Variants in SIKE1 observed in about 807,000 individuals in gnomAD.
The protein encoded by SIKE1 is suppressor of IKK epsilon.
A neutral mutation model predicts 25.8 loss-of-function variants in SIKE1; 13 were observed. That is an observed-to-expected ratio of 0.50 (90% CI 0.33 to 0.80). The LOEUF (loss-of-function observed/expected upper bound fraction) is 0.80. Ranked by LOEUF, SIKE1 falls within the 30% of genes least tolerant of loss-of-function variation. The pLI is 0.02. For missense variants in SIKE1, 222 were observed against 252.4 expected, an observed-to-expected ratio of 0.88 and a Z score of 0.82; for synonymous variants, 86 against 95.5, an observed-to-expected ratio of 0.90 and a Z score of 0.58.
At position 114,776,077 on chromosome 1, in the gene SIKE1, CAT is replaced by C. The variant is rs968856571; in HGVS notation, c.522+267_522+268del. On this transcript the variant is annotated intron_variant, in intron 4 of 4. Transcript: ENST00000060969. ...ATGGCAGATGAAGGATTTTATCTCA[CAT>C]ATAACTTCTCCCCTCCACTCCCTCT... is the stretch of plus-strand genomic sequence containing the variant. Among the ~76,000 whole-genome samples the C allele has an allele frequency of 2.0e-5, 3 of 152,172 alleles. No individual in the cohort carries two copies. In the East Asian group the frequency reaches 5.8e-4, roughly 29 times the overall value.
chr1:114,776,519 C>T (rs1253337965), intron 3 of SIKE1, 60 bp from the exon 4 acceptor site: 17 of 1,090,624 alleles, frequency 1.6e-5, no homozygotes, highest in East Asian at 2.4e-5. Context: ...ATATAAAGAA[C>T]GTAAAAGCAT....
intron 2 of SIKE1, 60 bp downstream of exon 2, chr1:114,780,050 G>T: frequency 1.6e-6 from 2 of 1,225,056 alleles, no homozygotes; most frequent in Non-Finnish European, 2.4e-6. Context: ...TTTTGTAAAT[G>T]TTTAGGGCAA....
chr1:114,779,133 G>A lies in SIKE1; in HGVS notation c.408+9C>T, dbSNP rs1402502161. ...TTGGTTCATTTCGAATTTATTCAAA[G>A]TTTCTTACTGCAGAGTGAGACTGGT... On this transcript the variant is annotated intron_variant, in intron 3 of 4. Coordinates refer to ENST00000060969, the MANE Select transcript of SIKE1 (RefSeq NM_025073.3). 1 of 1,609,138 alleles carries A rather than the reference G, an allele frequency of 6.2e-7. No homozygotes were observed. The highest frequency in any genetic ancestry group is 8.5e-7 in the Non-Finnish European group (1 of 1,179,502).
chr1:114,780,196 T>G lies in SIKE1; in HGVS notation c.179A>C (p.Asp60Ala), dbSNP rs1251062157. 1 of 1,613,454 alleles carries G rather than the reference T, an allele frequency of 6.2e-7. No homozygotes were observed. Among genetic ancestry groups the G allele is most frequent in the South Asian group, 1.1e-5 (1 of 91,074 alleles). ...LPDQYQEDAS[D>A]MKDMSKYKPH... ...TTTGTATTTGGACATGTCCTTCATA[T>G]CGGATGCATCCTCTTGATACTGGAC... is the stretch of plus-strand genomic sequence containing the variant. Residue 60 changes from aspartate (D) to alanine (A), a missense_variant, in exon 2 of 5, where the codon GAT (aspartate) becomes GCT (alanine). Coordinates refer to ENST00000060969, the MANE Select transcript of SIKE1 (RefSeq NM_025073.3).
chr1:114,775,838 C>T (rs746798778), intron 4 of SIKE1, among the ~76,000 whole-genome samples: 2 of 152,104 alleles, frequency 1.3e-5, no homozygotes, highest in South Asian at 2.1e-4. Context: ...TAACATATTC[C>T]TATTCTAATC....
At position 114,772,902 on chromosome 1, in the gene SIKE1, CT is replaced by C. The variant is rs1382343961; in HGVS notation, c.*1368del. ...CATTAGTTATTACTGGGATCAGATG[CT>C]TTTAGGACATCTTTAAAATATTTTG... On this transcript the variant is annotated 3_prime_UTR_variant, in exon 5 of 5. Coordinates refer to ENST00000060969, the MANE Select transcript of SIKE1 (RefSeq NM_025073.3). 1 of 152,142 alleles carries C rather than the reference CT, an allele frequency of 6.6e-6. No individual in the cohort carries two copies. The highest frequency in any genetic ancestry group is 1.5e-5 in the Non-Finnish European group (1 of 68,014). The allele number at this position is 152,142 out of a possible 1,614,324, so 9.4% of individuals were successfully genotyped here. A position where few individuals can be genotyped will look rare whatever the true frequency, so the allele number is the denominator to read the frequency against.
rs1235564265 is a variant in SIKE1 at position 114,777,493 on chromosome 1, G to C, written c.409-1034C>G. The stretch of plus-strand genomic sequence containing the variant: ...GTAACCCTTTGGTATGTGAACATGG[G>C]GAATTTTAAAATACTGGGCTCTTCA... On this transcript the variant is annotated intron_variant, in intron 3 of 4. Coordinates refer to ENST00000060969, the MANE Select transcript of SIKE1 (RefSeq NM_025073.3). 3.9e-5 allele frequency among the ~76,000 whole-genome samples: 6 copies of C among 152,110 alleles called. No individual in the cohort carries two copies. In the East Asian group the frequency reaches 1.2e-3, roughly 29 times the overall value.
chr1:114,780,372 G>T (rs1306543471), intron 1 of SIKE1, 77 bp downstream of exon 1: 2 of 1,608,018 alleles, frequency 1.2e-6, no homozygotes, highest in Admixed American at 3.3e-5. Flanking sequence ...ATTCCAGGCC[G>T]AGTTCCCACT....
chr1:114,780,650 A>C lies in SIKE1; in HGVS notation c.-43T>G. On this transcript the variant is annotated 5_prime_UTR_variant, in exon 1 of 5. Transcript: ENST00000060969. ...AGCCCCTGCCGGGCTCAGCTACGCG[A>C]CTCGCTCAGATCTTCTGGGAGTCTG... The C allele has an allele frequency of 6.6e-7, 1 of 1,506,806 alleles. No homozygotes were observed. Among genetic ancestry groups the C allele is most frequent in the South Asian group, 1.2e-5 (1 of 84,672 alleles). The allele number at this position is 1,506,806 out of a possible 1,614,324, so 93.3% of individuals were successfully genotyped here.
chr1:114,775,141 G>C (rs962176693), intron 4 of SIKE1, among the ~76,000 whole-genome samples: 2 of 152,030 alleles, frequency 1.3e-5, no homozygotes, highest in Admixed American at 6.6e-5. Flanking sequence ...TTCCTACTTG[G>C]GACCTGTCAC....
chr1:114,778,938 TC>T (rs1311928872), intron 3 of SIKE1: 4 of 590,012 alleles, frequency 6.8e-6, no homozygotes, highest in Admixed American at 3.0e-5. Context: ...GCACCTGTAG[TC>T]CCAGCTGCTC....
At chr1:114,778,312 T>C in intron 3 of SIKE1, among the ~76,000 whole-genome samples, 1 of 152,232 alleles carries the variant, frequency 6.6e-6, no homozygotes, top group Non-Finnish European at 1.5e-5. Flanking sequence ...ATGCCATGTT[T>C]GTTTTTTTAA....
intron 3 of SIKE1, 146 bp from the exon 4 acceptor site, chr1:114,776,605 C>T: frequency 1.6e-6 from 1 of 636,098 alleles, no homozygotes. Flanking sequence ...AATTTTAGTC[C>T]TCAGACATGA....
Position 114,780,445 on chromosome 1 carries a change from T to C in SIKE1, c.159+4A>G, listed in dbSNP as rs1194837666. ...GAGCACTGGACTCCTACCCTCTGCC[T>C]GACCTGGTCCGGAAGCGCTGTCCCC... On this transcript the variant is annotated splice_donor_region_variant and intron_variant, in intron 1 of 4. Coordinates refer to ENST00000060969, the MANE Select transcript of SIKE1 (RefSeq NM_025073.3). 8 of 1,609,784 alleles carry C rather than the reference T, an allele frequency of 5.0e-6. No homozygotes were observed. Among genetic ancestry groups the C allele is most frequent in the Non-Finnish European group, 6.8e-6 (8 of 1,179,996 alleles).
intron 2 of SIKE1, 90 bp from the exon 3 acceptor site, chr1:114,779,374 T>C: frequency 3.2e-6 from 4 of 1,266,658 alleles, no homozygotes; most frequent in Admixed American, 2.1e-5. Context: ...TAACACTATA[T>C]AGATAATATG....
intron 4 of SIKE1, among the ~76,000 whole-genome samples, chr1:114,775,394 C>A (rs1438103089): frequency 1.3e-5 from 2 of 152,110 alleles, no homozygotes; most frequent in African/African-American, 2.4e-5. Context: ...GTTATCCCTT[C>A]CACTAGACTC....
intron 4 of SIKE1, among the ~76,000 whole-genome samples, chr1:114,776,091 C>G (rs547537732): frequency 6.6e-6 from 1 of 152,244 alleles, no homozygotes; most frequent in South Asian, 2.1e-4. Flanking sequence ...TAACTTCTCC[C>G]CTCCACTCCC....
chr1:114,776,580 A>G, intron 3 of SIKE1, 121 bp from the exon 4 acceptor site: 1 of 685,910 alleles, frequency 1.5e-6, no homozygotes, highest in East Asian at 2.7e-5. Flanking sequence ...AGAAGTTACA[A>G]TGGAGTTTCC....
chr1:114,775,703 C>T (rs757322606), intron 4 of SIKE1, among the ~76,000 whole-genome samples: 6 of 151,960 alleles, frequency 3.9e-5, no homozygotes, highest in East Asian at 1.9e-4. Flanking sequence ...GACAGGGTTC[C>T]GCCATGTTGC....
Sources: allele counts gnomAD v4.1 joint callset (sites outside exome capture counted in the v4.1 genomes callset), GRCh38; gene constraint gnomAD v4.1.1; transcripts MANE v1.5; gene names NCBI Gene and HGNC (gene_info 2026-07-23, HGNC 2026-07-21).